Variants in AGT observed in about 807,000 individuals in gnomAD.
AGT encodes the protein alpha-1 antiproteinase, antitrypsin.
In AGT, 26 loss-of-function variants were observed where a neutral mutation model predicts 28.1. The ratio of observed to expected loss-of-function variants is 0.92; its 90% CI spans 0.68 to 1.28. The LOEUF is 1.28. Ranked by LOEUF, AGT falls within the 50% of genes most tolerant of loss-of-function variation. The probability of loss-of-function intolerance (pLI) is 0.00; values close to 1 mark genes in which losing one functional copy is unlikely to be tolerated. For missense variants in AGT, 596 were observed against 592.3 expected (o/e 1.01, Z -0.06); for synonymous variants, 259 against 259.6 (o/e 1.00, Z 0.02).
upstream of AGT, among the ~76,000 whole-genome samples, chr1:230,718,032 T>A (rs1417572440): frequency 6.6e-6 from 1 of 152,166 alleles, no homozygotes; most frequent in Non-Finnish European, 1.5e-5. Flanking sequence ...GGCATGATCA[T>A]GTCTCAAAGA....
intron 1 of AGT, among the ~76,000 whole-genome samples, chr1:230,737,215 A>G (rs893308551): frequency 1.3e-5 from 2 of 152,182 alleles, no homozygotes; most frequent in African/African-American, 4.8e-5. Context: ...ATCAGACTGC[A>G]TTGCCCGCAA....
intron 1 of AGT, among the ~76,000 whole-genome samples, chr1:230,712,314 C>A (rs866221065): frequency 4.6e-5 from 7 of 152,202 alleles, no homozygotes; most frequent in African/African-American, 1.7e-4. Context: ...AGCACCTGCC[C>A]TCAACACGGT....
intron 1 of AGT, among the ~76,000 whole-genome samples, chr1:230,723,087 A>G (rs1470303644): frequency 2.0e-5 from 3 of 152,102 alleles, no homozygotes; most frequent in African/African-American, 7.2e-5. Context: ...CCCCTATGCT[A>G]TTCTCATGAG....
chr1:230,732,577 C>A (rs1286828849), intron 1 of AGT, among the ~76,000 whole-genome samples: 5 of 152,188 alleles, frequency 3.3e-5, no homozygotes, highest in African/African-American at 1.2e-4. Flanking sequence ...AGAAACTTTA[C>A]TGATAATCTA....
At chr1:230,726,828 A>C (rs548771283) in intron 1 of AGT, among the ~76,000 whole-genome samples, 2 of 152,304 alleles carry the variant, frequency 1.3e-5, no homozygotes, top group East Asian at 3.9e-4. Flanking sequence ...TAAACCCAGC[A>C]GGGCTTCCCA....
At chr1:230,718,988 C>T (rs541410972), upstream of AGT, among the ~76,000 whole-genome samples, 1 of 152,174 alleles carries the variant, frequency 6.6e-6, no homozygotes, top group Non-Finnish European at 1.5e-5. Context: ...CTCAGCCTCC[C>T]GGAGTGCTGG....
At chr1:230,719,085 C>T (rs936387730), upstream of AGT, among the ~76,000 whole-genome samples, 39 of 152,228 alleles carry the variant, frequency 2.6e-4, no homozygotes, top group Non-Finnish European at 4.6e-4. Flanking sequence ...TATGCCAAAT[C>T]TTTATCTATT....
chr1:230,704,047 C>A, intron 4 of AGT, 146 bp downstream of exon 4: 1 of 1,253,224 alleles, frequency 8.0e-7, no homozygotes, highest in East Asian at 2.5e-5. Flanking sequence ...GCTCTGGCTA[C>A]TTCTCTCCCA....
At chr1:230,706,294 T>C in intron 2 of AGT, 94 bp from the exon 3 acceptor site, 1 of 1,415,366 alleles carries the variant, frequency 7.1e-7, no homozygotes, top group Non-Finnish European at 9.6e-7. Context: ...ATCCTGCCCC[T>C]CGCCCTGCCT....
chr1:230,718,722 C>CTTTTTTTTTTTTT (rs1228887131), upstream of AGT, among the ~76,000 whole-genome samples: 7 of 118,496 alleles, frequency 5.9e-5, 1 homozygote, highest in African/African-American at 2.1e-4. Flanking sequence ...TTCCACACCG[C>CTTTTTTTTTTTTT]TTTTTTTTTT....
At chr1:230,741,157 T>G (rs914503705) in intron 1 of AGT, among the ~76,000 whole-genome samples, 4 of 152,180 alleles carry the variant, frequency 2.6e-5, no homozygotes, top group African/African-American at 7.2e-5. Flanking sequence ...TTATCATTCT[T>G]CAACAATGAA....
chr1:230,711,589 A>C (rs1663592696), intron 1 of AGT, among the ~76,000 whole-genome samples: 1 of 151,994 alleles, frequency 6.6e-6, no homozygotes, highest in African/African-American at 2.4e-5. Flanking sequence ...CCCTAGGGTG[A>C]GGGCTGGGGA....
At chr1:230,739,421 A>T (rs889268287) in intron 1 of AGT, among the ~76,000 whole-genome samples, 2 of 152,102 alleles carry the variant, frequency 1.3e-5, no homozygotes, top group African/African-American at 4.8e-5. Context: ...CACCTTGTCC[A>T]CCAGGGTGTT....
chr1:230,718,517 G>A (rs1663782213), upstream of AGT, among the ~76,000 whole-genome samples: 2 of 151,514 alleles, frequency 1.3e-5, no homozygotes, highest in South Asian at 4.2e-4. Flanking sequence ...TGTATCATTT[G>A]ACCTACATCT....
intron 1 of AGT, among the ~76,000 whole-genome samples, chr1:230,713,570 A>G (rs769408751): frequency 1.1e-4 from 17 of 152,324 alleles, no homozygotes; most frequent in South Asian, 8.3e-4. Context: ...AGGCATCGTT[A>G]TTAGTTCCAT....
At chr1:230,739,856 G>T (rs1166653249) in intron 1 of AGT, among the ~76,000 whole-genome samples, 1 of 152,160 alleles carries the variant, frequency 6.6e-6, no homozygotes, top group African/African-American at 2.4e-5. Context: ...CTGGAAAGGG[G>T]TCCTGATCCA....
At chr1:230,745,331 C>T (rs1055024993) in intron 1 of AGT, among the ~76,000 whole-genome samples, 4 of 152,144 alleles carry the variant, frequency 2.6e-5, no homozygotes, top group East Asian at 1.9e-4. Flanking sequence ...CACAAACCCG[C>T]CATGCCTCTA....
intron 1 of AGT, among the ~76,000 whole-genome samples, chr1:230,721,963 A>C (rs1663852994): frequency 6.6e-6 from 1 of 152,272 alleles, no homozygotes; most frequent in Non-Finnish European, 1.5e-5. Context: ...TTAATCACCA[A>C]GACAATGAGG....
chr1:230,726,098 G>C (rs1370144569), intron 1 of AGT, among the ~76,000 whole-genome samples: 1 of 151,048 alleles, frequency 6.6e-6, no homozygotes, highest in African/African-American at 2.4e-5. Flanking sequence ...ACTTCACTTG[G>C]CATCACGGCA....
Sources: gnomAD v4.1 joint callset for allele counts (sites outside exome capture counted in the v4.1 genomes callset) on GRCh38, gnomAD v4.1.1 for gene constraint, MANE v1.5 for transcripts, NCBI Gene and HGNC (gene_info 2026-07-23, HGNC 2026-07-21) for gene names.